Variants in FMR1NB observed in about 807,000 individuals in gnomAD.
The protein encoded by FMR1NB is FMR1 neighbor.
A neutral mutation model predicts 16.8 loss-of-function variants in FMR1NB; 10 were observed. The observed-to-expected ratio is 0.60, with a 90% CI of 0.37 to 1.01. The LOEUF is 1.01. Ranked by LOEUF, FMR1NB falls within the 50% of genes least tolerant of loss-of-function variation. The pLI is 0.01. For synonymous variants in FMR1NB, 83 were observed against 79.1 expected (o/e 1.05, Z -0.26); for missense variants, 205 against 204.8 (o/e 1.00, Z 0.00).
At chrX:148,007,401 C>T (rs1421175648) in intron 3 of FMR1NB, among the ~76,000 whole-genome samples, 2 of 111,786 alleles carry the variant, frequency 1.8e-5, no homozygotes, top group African/African-American at 3.3e-5. Context: ...GTGATCCACC[C>T]GCCTCAGCTT....
At chrX:147,991,914 C>T (rs1480419019) in intron 1 of FMR1NB, among the ~76,000 whole-genome samples, 1 of 108,933 alleles carries the variant, frequency 9.2e-6, no homozygotes, top group Non-Finnish European at 1.9e-5. Flanking sequence ...TCTTGCACCG[C>T]CCTTAATCCA....
chrX:148,010,492 C>T (rs782074723), intron 4 of FMR1NB, among the ~76,000 whole-genome samples: 118 of 111,801 alleles, frequency 1.1e-3, no homozygotes, highest in African/African-American at 3.8e-3. Flanking sequence ...AAGTGCAGGC[C>T]ATAGTCAGCT....
chrX:147,991,780 G>A (rs2044506654), intron 1 of FMR1NB, among the ~76,000 whole-genome samples: 1 of 107,056 alleles, frequency 9.3e-6, no homozygotes, highest in Non-Finnish European at 1.9e-5. Flanking sequence ...AAGGTCTCTG[G>A]TTTTCCTAGG....
chrX:148,019,058 G>A (rs1382090685), intron 4 of FMR1NB, among the ~76,000 whole-genome samples: 1 of 111,897 alleles, frequency 8.9e-6, no homozygotes. Context: ...AGATGTTGTA[G>A]GCATGTTTCA....
chrX:148,006,945 G>A (rs781810299), intron 3 of FMR1NB, 103 bp downstream of exon 3: 92 of 895,469 alleles, frequency 1.0e-4, no homozygotes, highest in Middle Eastern at 7.5e-4. Flanking sequence ...TACTTAAATG[G>A]GACTCCCAGT....
chrX:148,003,661 A>G (rs1557188832), intron 2 of FMR1NB, among the ~76,000 whole-genome samples: 1 of 112,253 alleles, frequency 8.9e-6, no homozygotes, highest in Non-Finnish European at 1.9e-5. Context: ...TCAGTCACTG[A>G]CCCAGTATTG....
intron 4 of FMR1NB, 109 bp from the exon 5 acceptor site, chrX:148,024,756 G>T: frequency 1.1e-6 from 1 of 923,040 alleles, no homozygotes; most frequent in Non-Finnish European, 1.5e-6. Context: ...AAAAATATCA[G>T]GTGGGAAAGT....
intron 4 of FMR1NB, among the ~76,000 whole-genome samples, chrX:148,013,323 C>T (rs147177979): frequency 0.036 from 4,002 of 111,198 alleles, 98 homozygotes; most frequent in Non-Finnish European, 0.058. Context: ...TTCTCAATTC[C>T]CATTTAATTT....
intron 3 of FMR1NB, chrX:148,008,336 G>A (rs185191423): frequency 6.2e-4 from 159 of 255,143 alleles, no homozygotes; most frequent in Non-Finnish European, 8.5e-4. Flanking sequence ...AAGAAATATC[G>A]TATGCATCAT....
intron 1 of FMR1NB, among the ~76,000 whole-genome samples, chrX:147,994,190 C>T (rs782496590): frequency 9.0e-6 from 1 of 111,392 alleles, no homozygotes; most frequent in African/African-American, 3.3e-5. Flanking sequence ...TCTCCCTGCT[C>T]TCCCTAGAGG....
Position 147,981,388 on chromosome X carries a change from G to A in FMR1NB, c.-15G>A, listed in dbSNP as rs782415527. The stretch of plus-strand genomic sequence containing the variant: ...GGCTGTGAGGCAGCGTCTCAGCGAG[G>A]CGGCACCCGGAGCCATGTCTTCACA... On this transcript the variant is annotated 5_prime_UTR_variant, in exon 1 of 6. Transcript: ENST00000370467. 1 of 1,199,849 alleles carries A rather than the reference G, an allele frequency of 8.3e-7. No homozygotes were observed. Among genetic ancestry groups the A allele is most frequent in the Non-Finnish European group, 1.1e-6 (1 of 889,081 alleles).
chrX:147,990,906 C>T (rs782434230), intron 1 of FMR1NB, among the ~76,000 whole-genome samples: 64 of 109,389 alleles, frequency 5.9e-4, no homozygotes, highest in Non-Finnish European at 8.9e-4. Flanking sequence ...CCACTAACCT[C>T]CATCATCTCC....
chrX:147,983,016 A>C (rs2044458963), intron 1 of FMR1NB, among the ~76,000 whole-genome samples: 1 of 112,399 alleles, frequency 8.9e-6, no homozygotes, highest in South Asian at 3.7e-4. Flanking sequence ...GTAGTTCCAA[A>C]ATATTTTAAC....
At chrX:147,998,390 TG>T (rs201297758) in intron 1 of FMR1NB, among the ~76,000 whole-genome samples, 16,108 of 110,448 alleles carry the variant, frequency 0.15, 1,631 homozygotes, top group African/African-American at 0.37. Flanking sequence ...CACACATAAG[TG>T]GGAGTTGAAC....
At chrX:148,019,518 A>G (rs1445731710) in intron 4 of FMR1NB, among the ~76,000 whole-genome samples, 2 of 111,446 alleles carry the variant, frequency 1.8e-5, no homozygotes, top group Non-Finnish European at 3.8e-5. Context: ...TGTACTGTTC[A>G]CTATCTGGGC....
At chrX:147,991,647 C>CTTTTTTTT (rs782065632) in intron 1 of FMR1NB, among the ~76,000 whole-genome samples, 2,800 of 86,661 alleles carry the variant, frequency 0.032, 50 homozygotes, top group Non-Finnish European at 0.042. Flanking sequence ...GGCCTTCCTT[C>CTTTTTTTT]TTTTTTTTTT....
chrX:148,022,117 C>T (rs2044682407), intron 4 of FMR1NB, among the ~76,000 whole-genome samples: 1 of 111,548 alleles, frequency 9.0e-6, no homozygotes, highest in African/African-American at 3.3e-5. Flanking sequence ...AGCCATGCCA[C>T]TCTACTAGAT....
At chrX:148,011,974 C>A (rs1557189666) in intron 4 of FMR1NB, among the ~76,000 whole-genome samples, 1 of 111,418 alleles carries the variant, frequency 9.0e-6, no homozygotes, top group Non-Finnish European at 1.9e-5. Flanking sequence ...TCACTAATAG[C>A]CATATTAAAC....
intron 1 of FMR1NB, among the ~76,000 whole-genome samples, chrX:147,989,271 C>G (rs1380148623): frequency 8.9e-6 from 1 of 112,117 alleles, no homozygotes; most frequent in Non-Finnish European, 1.9e-5. Flanking sequence ...TGTGGCAGGT[C>G]TGCTCTAGTT....
Sources: gnomAD v4.1 joint callset for allele counts (sites outside exome capture counted in the v4.1 genomes callset) on GRCh38, gnomAD v4.1.1 for gene constraint, MANE v1.5 for transcripts, NCBI Gene and HGNC (gene_info 2026-07-23, HGNC 2026-07-21) for gene names.